Variants in RNF6 observed in about 807,000 individuals in gnomAD.
RNF6 encodes ring finger protein 6.
A neutral mutation model predicts 50.1 loss-of-function variants in RNF6; 21 were observed. The ratio of observed to expected loss-of-function variants is 0.42; its 90% confidence interval spans 0.30 to 0.60. The LOEUF (loss-of-function observed/expected upper bound fraction) is 0.60. Among genes scored for constraint, RNF6 ranks in the 20% least tolerant of loss-of-function variants. The pLI is 0.20. For missense variants in RNF6, 698 were observed against 838.2 expected, an observed-to-expected ratio of 0.83 and a Z score of 2.07; for synonymous variants, 255 against 291.8, an observed-to-expected ratio of 0.87 and a Z score of 1.29.
chr13:26,163,781 T>C (rs1872323460), intron 5 of RNF6, among the ~76,000 whole-genome samples: 1 of 152,210 alleles, frequency 6.6e-6, no homozygotes, highest in Non-Finnish European at 1.5e-5. Context: ...CTAGAGGCTC[T>C]GGGTACTAAC....
intron 5 of RNF6, among the ~76,000 whole-genome samples, chr13:26,141,007 G>T (rs965617787): frequency 5.9e-5 from 9 of 152,198 alleles, no homozygotes; most frequent in East Asian, 5.8e-4. Flanking sequence ...AATATTTCAT[G>T]ATCATGGATT....
chr13:26,222,105 T>G lies in RNF6; in HGVS notation c.-204A>C, dbSNP rs1870575399. On this transcript the variant is annotated 5_prime_UTR_variant, in exon 1 of 5. Coordinates refer to ENST00000381588, the MANE Select transcript of RNF6 (RefSeq NM_005977.4). ...CTGTGGTTGGGAGGCGGGATAGGCT[T>G]GCCGCCGCGCCTCCGGAGCCCGCTG... is the stretch of plus-strand genomic sequence containing the variant. The G allele has an allele frequency of 6.6e-6, 1 of 152,390 alleles. No homozygotes were observed. Among genetic ancestry groups the G allele is most frequent in the Non-Finnish European group, 1.5e-5 (1 of 68,206 alleles). The allele number at this position is 152,390 out of a possible 1,614,324, so 9.4% of individuals were successfully genotyped here.
In RNF6 at chr13:26,204,151, T is replaced by C. The variant is rs117739456; in HGVS notation, n.768+11323A>G. Among the ~76,000 whole-genome samples, 1,039 of 152,252 alleles carry C rather than the reference T, an allele frequency of 6.8e-3. 8 individuals carry two copies. The highest frequency in any genetic ancestry group is 0.024 in the Middle Eastern group (7 of 294). ...AATTTCCTGTATGTATAATTCTGTC[T>C]TGGTGTTCACTTCTCGGAGACCCAA... On this transcript the variant is annotated intron_variant and non_coding_transcript_variant, in intron 5 of 5. Coordinates refer to the RNF6 transcript ENST00000468480.
intron 4 of RNF6, among the ~76,000 whole-genome samples, chr13:26,217,524 G>A (rs898744608): frequency 1.3e-5 from 2 of 152,166 alleles, no homozygotes; most frequent in Non-Finnish European, 2.9e-5. Flanking sequence ...CTACTCTCAC[G>A]CTAGTGCGTG....
chr13:26,220,158 C>T (rs1870331454), intron 2 of RNF6, among the ~76,000 whole-genome samples: 1 of 152,112 alleles, frequency 6.6e-6, no homozygotes, highest in Admixed American at 6.6e-5. Context: ...TAATATTATC[C>T]CCCACTGCAC....
intron 5 of RNF6, among the ~76,000 whole-genome samples, chr13:26,207,541 G>A (rs553294121): frequency 1.7e-3 from 260 of 152,280 alleles, no homozygotes; most frequent in African/African-American, 5.9e-3. Flanking sequence ...AAGGATGCAG[G>A]TTGATTCATT....
In RNF6 at chr13:26,219,697, G is replaced by A. The variant is rs1314316392; in HGVS notation, c.-18-30C>T. 3.2e-6 allele frequency: 5 copies of A among 1,566,956 alleles called. No individual in the cohort carries two copies. The African/African-American group carries it at 6.8e-5, about 21-fold the overall frequency. ...TCAAACAATATAAACAACATTCAAG[G>A]TGTTAAGTCATGGACCACATTTGGC... On this transcript the variant is annotated intron_variant, in intron 2 of 4. Transcript: ENST00000381588.
chr13:26,183,674 A>G (rs9512143), intron 5 of RNF6, among the ~76,000 whole-genome samples: 72,502 of 151,748 alleles, frequency 0.48, 19,172 homozygotes, highest in Non-Finnish European at 0.61. Context: ...TGCAGTAAAA[A>G]ATAGTTTTGG....
At chr13:26,173,933 G>C in intron 5 of RNF6, among the ~76,000 whole-genome samples, 1 of 134,334 alleles carries the variant, frequency 7.4e-6, no homozygotes, top group African/African-American at 2.8e-5. Context: ...CCTGGCAACA[G>C]AGCGAGACTC....
At chr13:26,222,999 G>A (rs578117977), upstream of RNF6, among the ~76,000 whole-genome samples, 2 of 152,238 alleles carry the variant, frequency 1.3e-5, no homozygotes, top group East Asian at 1.9e-4. Flanking sequence ...TGAGATGTGA[G>A]GCTTACTAAA....
chr13:26,141,425 CAAA>C (rs34336773), intron 5 of RNF6, among the ~76,000 whole-genome samples: 2,008 of 129,958 alleles, frequency 0.015, 22 homozygotes, highest in Admixed American at 0.021. Flanking sequence ...AAGACTCTGT[CAAA>C]AAAAAAAAAA....
intron 5 of RNF6, among the ~76,000 whole-genome samples, chr13:26,154,748 G>A (rs1163842665): frequency 1.3e-5 from 2 of 152,070 alleles, no homozygotes; most frequent in East Asian, 1.9e-4. Context: ...CAAAACTCCC[G>A]GCTGGGCGTT....
chr13:26,135,370 T>A lies in RNF6; in HGVS notation n.769-2919A>T, dbSNP rs551675277. Among the ~76,000 whole-genome samples, 205 of 152,318 alleles carry A rather than the reference T, an allele frequency of 1.3e-3. 1 individual carries two copies. Among genetic ancestry groups the A allele is most frequent in the Non-Finnish European group, 2.2e-3 (149 of 68,026 alleles). On this transcript the variant is annotated intron_variant and non_coding_transcript_variant, in intron 5 of 5. Coordinates refer to the RNF6 transcript ENST00000468480. ...GTCACCTGGCTTCCCTTTATAATAATAATAATAATGTACCATTTTAATATC... is the reference window on the plus strand; with the variant it reads ...GTCACCTGGCTTCCCTTTATAATAAAAATAATAATGTACCATTTTAATATC...
chr13:26,204,716 G>A (rs1869039072), intron 5 of RNF6, among the ~76,000 whole-genome samples: 1 of 152,056 alleles, frequency 6.6e-6, no homozygotes, highest in Non-Finnish European at 1.5e-5. Context: ...CACATTAAAT[G>A]TTCCTAGTTT....
In RNF6 at chr13:26,199,614, A is replaced by G. The variant is rs116965581; in HGVS notation, n.768+15860T>C. Reference sequence around the variant, plus strand: ...AATTCAGAGACTGAGAGGATAAAACATATATCTACAGACATATATTTGTAT... The same window carrying G: ...AATTCAGAGACTGAGAGGATAAAACGTATATCTACAGACATATATTTGTAT... On this transcript the variant is annotated intron_variant and non_coding_transcript_variant, in intron 5 of 5. Transcript: ENST00000468480. Among the ~76,000 whole-genome samples, 1,166 of 152,300 alleles carry G rather than the reference A, an allele frequency of 7.7e-3. 10 individuals carry two copies. Among genetic ancestry groups the G allele is most frequent in the Middle Eastern group, 0.041 (12 of 294 alleles).
intron 5 of RNF6, among the ~76,000 whole-genome samples, chr13:26,167,046 C>T (rs1166707730): frequency 6.6e-6 from 1 of 152,170 alleles, no homozygotes; most frequent in African/African-American, 2.4e-5. Context: ...ATTGTGAGAA[C>T]ATGCTAACGC....
Position 26,218,615 on chromosome 13 carries a change from A to G in RNF6, c.194-9T>C. 1 of 1,609,680 alleles carries G rather than the reference A, an allele frequency of 6.2e-7. No individual in the cohort carries two copies. The highest frequency in any genetic ancestry group is 1.7e-4 in the Middle Eastern group (1 of 6,046). ...TTCTGATGTTATTTCTCCTAAAACA[A>G]TGAAAAACTGCTCATTTAAGAATTC... On this transcript the variant is annotated splice_polypyrimidine_tract_variant and intron_variant, in intron 3 of 4. Coordinates refer to ENST00000381588, the MANE Select transcript of RNF6 (RefSeq NM_005977.4).
intron 5 of RNF6, among the ~76,000 whole-genome samples, chr13:26,180,472 A>T (rs981134353): frequency 1.3e-5 from 2 of 152,222 alleles, no homozygotes; most frequent in Non-Finnish European, 2.9e-5. Context: ...TCAAAGGAAC[A>T]TATAACCCAG....
intron 5 of RNF6, among the ~76,000 whole-genome samples, chr13:26,194,898 C>T (rs577798953): frequency 1.2e-4 from 18 of 152,140 alleles, no homozygotes; most frequent in Non-Finnish European, 2.2e-4. Flanking sequence ...AGAAGGTGCC[C>T]ACCCAGATTA....
Sources: allele counts gnomAD v4.1 joint callset (sites outside exome capture counted in the v4.1 genomes callset), GRCh38; gene constraint gnomAD v4.1.1; transcripts MANE v1.5; gene names NCBI Gene and HGNC (gene_info 2026-07-23, HGNC 2026-07-21).